RNF126: variants seen among roughly 807,000 people sequenced by gnomAD.
RNF126 encodes E3 ubiquitin-protein ligase RNF126.
A neutral mutation model predicts 41.9 loss-of-function variants in RNF126; 20 were observed. The observed-to-expected ratio is 0.48, with a 90% CI of 0.34 to 0.69. The LOEUF (loss-of-function observed/expected upper bound fraction) is 0.69. RNF126 is among the 30% of genes least tolerant of loss of function. The probability of loss-of-function intolerance (pLI) is 0.01; values close to 1 mark genes in which losing one functional copy is unlikely to be tolerated. For synonymous variants in RNF126, 239 were observed against 202.9 expected, an observed-to-expected ratio of 1.18 and a Z score of -1.51; for missense variants, 433 against 460.6, an observed-to-expected ratio of 0.94 and a Z score of 0.55.
chr19:655,840 A>C lies in RNF126; in HGVS notation c.76-2956T>G, dbSNP rs759837442. On this transcript the variant is annotated intron_variant, in intron 1 of 8. Coordinates refer to ENST00000292363, the MANE Select transcript of RNF126 (RefSeq NM_194460.3). ...GTGTCCACCCGCACCTCAGAGCACG[A>C]CTCAACCATGGAAAGGGGCAAGGCC... 6.6e-5 allele frequency among the ~76,000 whole-genome samples: 10 copies of C among 152,002 alleles called. 1 individual carries two copies. The highest frequency in any genetic ancestry group is 1.3e-4 in the Admixed American group (2 of 15,260).
chr19:663,026 C>T, intron 1 of RNF126, 21 bp downstream of exon 1: 6 of 1,316,212 alleles, frequency 4.6e-6, no homozygotes, highest in South Asian at 1.7e-5. Context: ...CTGCCGCCCG[C>T]CGCCCCGGCC....
chr19:654,011 AG>A (rs961365114), intron 1 of RNF126, among the ~76,000 whole-genome samples: 21 of 152,064 alleles, frequency 1.4e-4, no homozygotes, highest in African/African-American at 3.9e-4. Context: ...TCGCAGGGGC[AG>A]GGGCTGGGAC....
chr19:654,393 G>A (rs988272043), intron 1 of RNF126, among the ~76,000 whole-genome samples: 19 of 152,210 alleles, frequency 1.2e-4, no homozygotes, highest in Non-Finnish European at 8.8e-5. Context: ...CTGTAATCCT[G>A]GCACTTCGGG....
intron 1 of RNF126, among the ~76,000 whole-genome samples, chr19:654,743 A>C (rs1400509555): frequency 6.9e-6 from 1 of 145,042 alleles, no homozygotes; most frequent in Non-Finnish European, 1.5e-5. Flanking sequence ...GAGGCAGGCG[A>C]ATCACCTGAG....
chr19:652,527 A>G (rs191220679), intron 2 of RNF126: 2 of 600,708 alleles, frequency 3.3e-6, no homozygotes, highest in African/African-American at 1.9e-5. Context: ...AAGCGTGAGA[A>G]TGTGGGTAGG....
Position 648,291 on chromosome 19 carries a change from G to C in RNF126, c.787-14C>G. ...GCAGCTGTCGTGCTTTGTGGGGACAGAGGCAGGGACGGGAGAAGGGGCAGG... is the reference window on the plus strand; with the variant it reads ...GCAGCTGTCGTGCTTTGTGGGGACACAGGCAGGGACGGGAGAAGGGGCAGG... On this transcript the variant is annotated splice_polypyrimidine_tract_variant and intron_variant, in intron 8 of 8. Coordinates refer to ENST00000292363, the MANE Select transcript of RNF126 (RefSeq NM_194460.3). The C allele has an allele frequency of 6.4e-7, 1 of 1,552,746 alleles. No homozygotes were observed.
At position 648,364 on chromosome 19, in the gene RNF126, G is replaced by GGGGGGGGGGGGCCCCCC; in HGVS notation, c.786+7_786+8insGGGGGGCCCCCCCCCCC. On this transcript the variant is annotated splice_region_variant and intron_variant, in intron 8 of 8. Coordinates refer to ENST00000292363, the MANE Select transcript of RNF126 (RefSeq NM_194460.3). ...CGGGGTGGGGGGGCGGGTGGGCGGG[G>GGGGGGGGGGGGCCCCCC]CACTCACCTGCTCCAGCCAGGGCAC... The GGGGGGGGGGGGCCCCCC allele has an allele frequency of 2.0e-6, 1 of 510,488 alleles. No homozygotes were observed. Among genetic ancestry groups the GGGGGGGGGGGGCCCCCC allele is most frequent in the Non-Finnish European group, 3.6e-6 (1 of 278,356 alleles). The allele number at this position is 510,488 out of a possible 1,614,324, so 31.6% of individuals were successfully genotyped here. A position where few individuals can be genotyped will look rare whatever the true frequency, so the allele number is the denominator to read the frequency against.
intron 6 of RNF126, 72 bp from the exon 7 acceptor site, chr19:649,047 C>T: frequency 1.4e-6 from 1 of 721,802 alleles, no homozygotes. Flanking sequence ...CGCGAGGCTG[C>T]AGGACCTGCA....
chr19:652,048 C>T lies in RNF126; in HGVS notation c.198+185G>A, dbSNP rs112728785. 1.2e-3 allele frequency: 852 copies of T among 707,982 alleles called. 11 individuals are homozygous for T. In the African/African-American group the frequency reaches 0.014, roughly 12 times the overall value. The allele number at this position is 707,982 out of a possible 1,614,324, so 43.9% of individuals were successfully genotyped here. A position where few individuals can be genotyped will look rare whatever the true frequency, so the allele number is the denominator to read the frequency against. ...GTGAGATGCCTCGGTGGAAGTTTCG[C>T]TTTCATCCAAGAAACCAACCAAGCA... is the stretch of plus-strand genomic sequence containing the variant. On this transcript the variant is annotated intron_variant, in intron 3 of 8. Transcript: ENST00000292363.
intron 3 of RNF126, 144 bp from the exon 4 acceptor site, chr19:651,999 T>TG: frequency 1.3e-6 from 1 of 769,774 alleles, no homozygotes; most frequent in South Asian, 1.9e-5. Context: ...GAGGCAGGAA[T>TG]TGGGCAGAGC....
At chr19:652,621 C>T (rs1010740869) in intron 2 of RNF126, 35 of 615,308 alleles carry the variant, frequency 5.7e-5, no homozygotes, top group South Asian at 2.2e-4. Flanking sequence ...CACAGGTTGC[C>T]GGCACTCCCC....
chr19:655,468 A>G (rs2030520788), intron 1 of RNF126, among the ~76,000 whole-genome samples: 1 of 152,022 alleles, frequency 6.6e-6, no homozygotes, highest in Non-Finnish European at 1.5e-5. Flanking sequence ...CCCGGGCGAC[A>G]GAGTGACACT....
At chr19:652,199 C>T (rs757429538) in intron 3 of RNF126, 34 bp downstream of exon 3, 1 of 1,495,168 alleles carries the variant, frequency 6.7e-7, no homozygotes, top group Non-Finnish European at 8.9e-7. Flanking sequence ...GCAAGGCTGA[C>T]ACGATCGGGA....
chr19:661,863 G>A (rs1434925439), intron 1 of RNF126, among the ~76,000 whole-genome samples: 1 of 152,140 alleles, frequency 6.6e-6, no homozygotes, highest in African/African-American at 2.4e-5. Context: ...CACCTCCTGC[G>A]GCTGCTCCCC....
At position 650,255 on chromosome 19, in the gene RNF126, G is replaced by C. The variant is rs1346919805; in HGVS notation, c.485C>G (p.Thr162Ser). The change falls in exon 5 of 9, where the codon ACC becomes AGC. Residue 162 changes from threonine to serine, a missense_variant. By Grantham distance (58) the Thr-to-Ser change is moderately conservative. Coordinates refer to ENST00000292363, the MANE Select transcript of RNF126 (RefSeq NM_194460.3). ...TCACCAGGGGCCCAGGCTGGGGATG[G>C]TGGCGGGCGTGATGATGCCGTTGAC... ...QLVNGIITPA[T>S]IPSLGPWGVL... 1 of 1,582,156 alleles carries C rather than the reference G, an allele frequency of 6.3e-7. No individual in the cohort carries two copies. The highest frequency in any genetic ancestry group is 1.3e-5 in the African/African-American group (1 of 74,796).
rs201553675 is a variant in RNF126 at position 651,896 on chromosome 19, C to T, written c.199-41G>A. 8.8e-5 allele frequency: 138 copies of T among 1,568,490 alleles called. 1 individual carries two copies. The highest frequency in any genetic ancestry group is 1.6e-4 in the East Asian group (7 of 43,690). On this transcript the variant is annotated intron_variant, in intron 3 of 8. Coordinates refer to ENST00000292363, the MANE Select transcript of RNF126 (RefSeq NM_194460.3). ...GGGCGTGACCTCGGGGGCTCAGGCC[C>T]GTGCAGTCTGCTGGGGGCGCTAGGG...
At chr19:650,340 A>G (rs1234992962) in intron 4 of RNF126, 44 bp from the exon 5 acceptor site, 1 of 1,544,548 alleles carries the variant, frequency 6.5e-7, no homozygotes, top group East Asian at 2.3e-5. Flanking sequence ...CGCCCCACGC[A>G]CAGGAGAGGC....
chr19:652,028 A>G (rs780515826), intron 3 of RNF126, 173 bp from the exon 4 acceptor site: 36 of 694,796 alleles, frequency 5.2e-5, no homozygotes, highest in Non-Finnish European at 5.5e-5. Flanking sequence ...CTGGTGTGAG[A>G]TGCCTCGGTG....
intron 1 of RNF126, among the ~76,000 whole-genome samples, chr19:653,853 G>A (rs769317084): frequency 3.3e-5 from 5 of 152,248 alleles, no homozygotes; most frequent in African/African-American, 7.2e-5. Flanking sequence ...CACGCCAGGG[G>A]CTCACATGGG....
Sources: allele counts gnomAD v4.1 joint callset (sites outside exome capture counted in the v4.1 genomes callset), GRCh38; gene constraint gnomAD v4.1.1; transcripts MANE v1.5; gene names NCBI Gene and HGNC (gene_info 2026-07-23, HGNC 2026-07-21).